The following LYPLA1 variants were observed in gnomAD, a reference collection of about 807,000 sequenced individuals.
LYPLA1 encodes lysophospholipase 1.
A neutral mutation model predicts 34.0 loss-of-function variants in LYPLA1; 17 were observed. The observed-to-expected ratio is 0.50, with a 90% confidence interval of 0.34 to 0.75. LYPLA1 has a LOEUF of 0.75. Ranked by LOEUF, LYPLA1 falls within the 30% of genes least tolerant of loss-of-function variation. The probability of loss-of-function intolerance (pLI) is 0.01; values close to 1 mark genes in which losing one functional copy is unlikely to be tolerated. For missense variants in LYPLA1, 203 were observed against 288.8 expected (o/e 0.70, Z 2.15); for synonymous variants, 98 against 100.8 (o/e 0.97, Z 0.17).
intron 2 of LYPLA1, among the ~76,000 whole-genome samples, chr8:54,079,773 C>A (rs1404988145): frequency 6.6e-6 from 1 of 151,926 alleles, no homozygotes; most frequent in Non-Finnish European, 1.5e-5. Context: ...CCAGCCTGGG[C>A]AACAGACTGA....
At chr8:54,068,796 C>T (rs897282726) in intron 2 of LYPLA1, among the ~76,000 whole-genome samples, 1 of 152,098 alleles carries the variant, frequency 6.6e-6, no homozygotes, top group Non-Finnish European at 1.5e-5. Context: ...ATCAAAAGCA[C>T]AACCGACAAG....
At chr8:54,056,129 AC>A (rs2129327496) in intron 5 of LYPLA1, among the ~76,000 whole-genome samples, 1 of 152,328 alleles carries the variant, frequency 6.6e-6, no homozygotes, top group South Asian at 2.1e-4. Context: ...GAACCCAGAA[AC>A]AAATCTATAC....
Position 54,101,905 on chromosome 8 carries a change from G to A in LYPLA1, c.-82C>T, listed in dbSNP as rs865882501. 2.0e-4 allele frequency: 174 copies of A among 854,880 alleles called. No homozygotes were observed. The Middle Eastern group carries it at 2.8e-3, about 14-fold the overall frequency. 53.0% of individuals were successfully genotyped at this position (854,880 alleles called of 1,614,324 possible). On this transcript the variant is annotated 5_prime_UTR_variant, in exon 1 of 9. Coordinates refer to ENST00000316963, the MANE Select transcript of LYPLA1 (RefSeq NM_006330.4). The stretch of plus-strand genomic sequence containing the variant: ...CAAGGGCGTGCGAGCGGCGAGTCCC[G>A]GCCGGCCCCACCGGGCGCACGCTCA...
intron 2 of LYPLA1, among the ~76,000 whole-genome samples, chr8:54,069,523 G>A (rs1807314030): frequency 6.6e-6 from 1 of 152,074 alleles, no homozygotes; most frequent in African/African-American, 2.4e-5. Context: ...AGACCTGCTT[G>A]GCCAACATGG....
intron 5 of LYPLA1, among the ~76,000 whole-genome samples, chr8:54,056,742 G>GT (rs1330611116): frequency 2.0e-5 from 3 of 152,088 alleles, no homozygotes; most frequent in African/African-American, 7.2e-5. Context: ...GTGAAACCCC[G>GT]TATCTACTAC....
chr8:54,101,544 G>A, intron 1 of LYPLA1: 3 of 1,145,488 alleles, frequency 2.6e-6, no homozygotes, highest in Non-Finnish European at 1.1e-6. Context: ...GCAGGGAGGA[G>A]CTGGGGACTG....
intron 5 of LYPLA1, among the ~76,000 whole-genome samples, chr8:54,060,709 T>C (rs1230337404): frequency 1.3e-5 from 2 of 149,750 alleles, no homozygotes; most frequent in Admixed American, 6.7e-5. Flanking sequence ...TTTTTTTTTT[T>C]TGAGACACAG....
intron 2 of LYPLA1, among the ~76,000 whole-genome samples, chr8:54,066,596 C>A (rs2129336394): frequency 6.6e-6 from 1 of 151,876 alleles, no homozygotes; most frequent in East Asian, 2.0e-4. Context: ...GCCTGCCCAA[C>A]ATAGTGAAAC....
intron 2 of LYPLA1, among the ~76,000 whole-genome samples, chr8:54,069,958 C>T (rs1357462275): frequency 6.6e-6 from 1 of 152,128 alleles, no homozygotes; most frequent in Non-Finnish European, 1.5e-5. Context: ...TTCATACCTA[C>T]CGGAATGGTT....
chr8:54,062,188 T>C lies in LYPLA1; in HGVS notation c.286+66A>G, dbSNP rs574511182. On this transcript the variant is annotated intron_variant, in intron 5 of 8. Transcript: ENST00000316963. ...GTGTAATTTTTAACCAGTAGCGATATGATTACTAAATCTACTAAAAACATT... is the reference window on the plus strand; with the variant it reads ...GTGTAATTTTTAACCAGTAGCGATACGATTACTAAATCTACTAAAAACATT... 6.4e-4 allele frequency: 735 copies of C among 1,150,300 alleles called. 2 individuals carry two copies. Among genetic ancestry groups the C allele is most frequent in the Non-Finnish European group, 8.9e-4 (692 of 777,948 alleles). The allele number at this position is 1,150,300 out of a possible 1,614,324, so 71.3% of individuals were successfully genotyped here. A position where few individuals can be genotyped will look rare whatever the true frequency, so the allele number is the denominator to read the frequency against.
At chr8:54,086,555 CAAAAAAAAAAA>C (rs1220626412) in intron 2 of LYPLA1, among the ~76,000 whole-genome samples, 2 of 64,556 alleles carry the variant, frequency 3.1e-5, no homozygotes, top group African/African-American at 5.9e-5. Flanking sequence ...CAAAGGGTAC[CAAAAAAAAAAA>C]AAAAAAAAAA....
intron 2 of LYPLA1, among the ~76,000 whole-genome samples, chr8:54,075,705 T>C (rs1337909244): frequency 6.6e-6 from 1 of 152,200 alleles, no homozygotes; most frequent in Non-Finnish European, 1.5e-5. Context: ...TGGCTGGCAA[T>C]AATGCCTAGA....
At chr8:54,086,709 G>A (rs1808815422) in intron 2 of LYPLA1, among the ~76,000 whole-genome samples, 1 of 151,878 alleles carries the variant, frequency 6.6e-6, no homozygotes, top group South Asian at 2.1e-4. Flanking sequence ...CAAAAAATAA[G>A]AAAATTAGCC....
Position 54,047,227 on chromosome 8 carries a change from A to G in LYPLA1, c.*838T>C, listed in dbSNP as rs570970984. On this transcript the variant is annotated 3_prime_UTR_variant, in exon 9 of 9. Transcript: ENST00000316963. ...ATTTGGATAAGGTACAGTAATTCGA[A>G]ATAAGTAGTGCATGAAGTTTTAATG... The G allele has an allele frequency of 6.4e-4, 97 of 152,290 alleles. No homozygotes were observed. The highest frequency in any genetic ancestry group is 2.2e-3 in the African/African-American group (93 of 41,580). 9.4% of individuals were successfully genotyped at this position (152,290 alleles called of 1,614,324 possible). A position where few individuals can be genotyped will look rare whatever the true frequency, so the allele number is the denominator to read the frequency against.
Position 54,090,750 on chromosome 8 carries a change from G to A in LYPLA1, c.101+10158C>T, listed in dbSNP as rs574006394. 1.8e-3 allele frequency among the ~76,000 whole-genome samples: 267 copies of A among 152,260 alleles called. 1 individual carries two copies. The highest frequency in any genetic ancestry group is 5.8e-3 in the African/African-American group (242 of 41,526). ...CAAAGAGAGAGCCCCATTGCATTGC[G>A]GGCTGCTGGCCAGATCCCACAATAC... On this transcript the variant is annotated intron_variant, in intron 2 of 8. Coordinates refer to ENST00000316963, the MANE Select transcript of LYPLA1 (RefSeq NM_006330.4).
intron 2 of LYPLA1, among the ~76,000 whole-genome samples, chr8:54,087,370 T>C (rs1354965040): frequency 6.6e-6 from 1 of 152,198 alleles, no homozygotes; most frequent in African/African-American, 2.4e-5. Flanking sequence ...TGGCAGGGCA[T>C]GCCTGTAATC....
intron 2 of LYPLA1, among the ~76,000 whole-genome samples, chr8:54,069,107 A>T (rs1398549959): frequency 1.3e-5 from 2 of 152,222 alleles, no homozygotes; most frequent in Non-Finnish European, 2.9e-5. Context: ...CAAAGCCCCA[A>T]TGATACATCA....
intron 7 of LYPLA1, among the ~76,000 whole-genome samples, 192 bp from the exon 8 acceptor site, chr8:54,051,380 C>G (rs934481707): frequency 2.0e-5 from 3 of 152,230 alleles, no homozygotes; most frequent in African/African-American, 7.2e-5. Flanking sequence ...GATCACCTTG[C>G]CTCATATTAT....
Position 54,051,008 on chromosome 8 carries a change from C to A in LYPLA1, c.639+4G>T. 1 of 1,598,994 alleles carries A rather than the reference C, an allele frequency of 6.3e-7. No individual in the cohort carries two copies. Among genetic ancestry groups the A allele is most frequent in the Non-Finnish European group, 8.6e-7 (1 of 1,169,006 alleles). ...GGCGCTGATCACTGCTTCTAGACAC[C>A]TACCTGTTGACACGAACTGTGCATC... On this transcript the variant is annotated splice_donor_region_variant and intron_variant, in intron 8 of 8. Transcript: ENST00000316963.
Sources: allele counts gnomAD v4.1 joint callset (sites outside exome capture counted in the v4.1 genomes callset), GRCh38; gene constraint gnomAD v4.1.1; transcripts MANE v1.5; gene names NCBI Gene and HGNC (gene_info 2026-07-23, HGNC 2026-07-21).